TMEM192: variants seen among roughly 807,000 people sequenced by gnomAD.
TMEM192 encodes transmembrane protein 192.
TMEM192 carries 20 observed loss-of-function variants against 26.7 expected under a neutral mutation model. That is an observed-to-expected ratio of 0.75 (90% CI 0.53 to 1.09). The LOEUF is 1.09. Ranked by LOEUF, TMEM192 falls within the 50% of genes least tolerant of loss-of-function variation. TMEM192 has a pLI of 0.00. For missense variants in TMEM192, 304 were observed against 322.6 expected (o/e 0.94, Z 0.44); for synonymous variants, 124 against 121.0 (o/e 1.02, Z -0.16).
At chr4:165,087,114 CA>C (rs536798457) in intron 4 of TMEM192, among the ~76,000 whole-genome samples, 14 of 145,148 alleles carry the variant, frequency 9.6e-5, no homozygotes, top group Admixed American at 2.1e-4. Flanking sequence ...AACTCCAACT[CA>C]AAAAAAAAAT....
intron 4 of TMEM192, among the ~76,000 whole-genome samples, chr4:165,085,957 G>A (rs768544981): frequency 5.9e-5 from 9 of 152,138 alleles, no homozygotes; most frequent in Non-Finnish European, 1.2e-4. Context: ...ATAAACACCT[G>A]CATGAAGTGG....
At chr4:165,112,325 CT>C (rs2110809062) in intron 1 of TMEM192, among the ~76,000 whole-genome samples, 1 of 152,338 alleles carries the variant, frequency 6.6e-6, no homozygotes, top group South Asian at 2.1e-4. Flanking sequence ...GATTCGCCCC[CT>C]GTGCCCCTGG....
chr4:165,107,391 C>T (rs1735188307), intron 1 of TMEM192, among the ~76,000 whole-genome samples: 1 of 151,418 alleles, frequency 6.6e-6, no homozygotes, highest in African/African-American at 2.4e-5. Flanking sequence ...GGCTGGAGAA[C>T]AGTGGCACGA....
At chr4:165,092,409 A>C (rs780162037) in intron 3 of TMEM192, among the ~76,000 whole-genome samples, 1 of 152,146 alleles carries the variant, frequency 6.6e-6, no homozygotes, top group Non-Finnish European at 1.5e-5. Flanking sequence ...GGCGTAAGCC[A>C]CCGCACCCGG....
intron 3 of TMEM192, among the ~76,000 whole-genome samples, chr4:165,091,200 G>A (rs1345686747): frequency 3.3e-5 from 5 of 152,020 alleles, no homozygotes; most frequent in East Asian, 3.9e-4. Flanking sequence ...CCCGGGAGGC[G>A]GAGCTTGCAG....
intron 1 of TMEM192, among the ~76,000 whole-genome samples, chr4:165,104,091 C>A (rs879617373): frequency 4.6e-5 from 7 of 152,178 alleles, no homozygotes; most frequent in Non-Finnish European, 1.0e-4. Flanking sequence ...CCACTGCACT[C>A]CAGCCTGGGC....
At chr4:165,086,243 C>T (rs1734613541) in intron 4 of TMEM192, among the ~76,000 whole-genome samples, 1 of 151,988 alleles carries the variant, frequency 6.6e-6, no homozygotes, top group Non-Finnish European at 1.5e-5. Context: ...ATTAATCACA[C>T]AGACTAGGAG....
intron 5 of TMEM192, among the ~76,000 whole-genome samples, chr4:165,085,367 T>C (rs924129208): frequency 6.6e-6 from 1 of 151,684 alleles, no homozygotes; most frequent in Non-Finnish European, 1.5e-5. Flanking sequence ...AGAGGTTAAA[T>C]AGGTTGGCTA....
At chr4:165,085,188 G>A (rs1490818343) in intron 5 of TMEM192, among the ~76,000 whole-genome samples, 16 of 150,708 alleles carry the variant, frequency 1.1e-4, no homozygotes, top group Non-Finnish European at 1.5e-4. Context: ...CAGGAGAATC[G>A]CTTGAAACTG....
chr4:165,098,683 A>AG (rs1460404268), intron 3 of TMEM192, among the ~76,000 whole-genome samples: 1 of 150,870 alleles, frequency 6.6e-6, no homozygotes, highest in African/African-American at 2.4e-5. Flanking sequence ...AAGTAGGAAG[A>AG]CTACATATGG....
At chr4:165,094,831 G>A (rs190688347) in intron 3 of TMEM192, among the ~76,000 whole-genome samples, 50 of 151,862 alleles carry the variant, frequency 3.3e-4, no homozygotes, top group African/African-American at 1.2e-3. Context: ...AAAATTAGCT[G>A]GGCATGGTAG....
In TMEM192 at chr4:165,085,596, T is replaced by G; in HGVS notation, c.667A>C (p.Thr223Pro). ...TCACCTAAATCTTACCTGAATCCAGTCTCCGAGGTAATATTGCTGGGGTAA... is the reference window on the plus strand; with the variant it reads ...TCACCTAAATCTTACCTGAATCCAGGCTCCGAGGTAATATTGCTGGGGTAA... Reference protein sequence around the residue: ...YAYPSNITSETGFRTISSLEE... With the variant: ...YAYPSNITSEPGFRTISSLEE... Residue 223 changes from threonine (T) to proline (P), a missense_variant, in exon 5 of 6, where the codon ACT becomes CCT. By Grantham distance (38) the Thr-to-Pro change is conservative. Coordinates refer to ENST00000306480, the MANE Select transcript of TMEM192 (RefSeq NM_001100389.2). 1.2e-6 allele frequency: 2 copies of G among 1,607,784 alleles called. No homozygotes were observed. The highest frequency in any genetic ancestry group is 1.7e-6 in the Non-Finnish European group (2 of 1,177,216).
intron 1 of TMEM192, among the ~76,000 whole-genome samples, chr4:165,105,987 A>T (rs1560936121): frequency 6.6e-6 from 1 of 152,162 alleles, no homozygotes; most frequent in Non-Finnish European, 1.5e-5. Flanking sequence ...ATGCAGCAAG[A>T]AGGCGCCATC....
intron 3 of TMEM192, among the ~76,000 whole-genome samples, chr4:165,096,539 T>C (rs1734908169): frequency 6.6e-6 from 1 of 151,916 alleles, no homozygotes; most frequent in Admixed American, 6.6e-5. Context: ...TTTTTTCTTC[T>C]CTGGAAAATA....
rs1014355876 is a variant in TMEM192 at position 165,100,827 on chromosome 4, G to A, written c.240C>T (p.Asp80=). 6.2e-7 allele frequency: 1 copy of A among 1,613,894 alleles called. No individual in the cohort carries two copies. Among genetic ancestry groups the A allele is most frequent in the African/African-American group, 1.3e-5 (1 of 74,882 alleles). The change falls in exon 3 of 6, where the codon GAC becomes GAT. Residue 80 remains aspartate (D), a synonymous_variant. Transcript: ENST00000306480. ...VLCSYPNPNE[D]KCPGNYTNPL... is the part of the protein sequence containing the mutation. ...GGTTTGTGTAATTTCCTGGGCACTT[G>A]TCCTCATTTGGATTAGGATAAGAAC...
chr4:165,071,854 T>G lies in TMEM192; in HGVS notation c.*7804A>C, dbSNP rs75131980. 4,005 of 152,372 alleles carry G rather than the reference T, an allele frequency of 0.026. 167 individuals are homozygous for G. Among genetic ancestry groups the G allele is most frequent in the African/African-American group, 0.084 (3,473 of 41,492 alleles). 9.4% of individuals were successfully genotyped at this position (152,372 alleles called of 1,614,324 possible). A position where few individuals can be genotyped will look rare whatever the true frequency, so the allele number is the denominator to read the frequency against. ...ATGAAAAAGGGAACCATCAGAGTAG[T>G]GTTTTAGAAGGATATTGTTGGCTGC... On this transcript the variant is annotated 3_prime_UTR_variant, in exon 6 of 6. Coordinates refer to ENST00000306480, the MANE Select transcript of TMEM192 (RefSeq NM_001100389.2).
At chr4:165,098,494 G>C (rs530659923) in intron 3 of TMEM192, among the ~76,000 whole-genome samples, 2 of 150,766 alleles carry the variant, frequency 1.3e-5, no homozygotes, top group Non-Finnish European at 3.0e-5. Flanking sequence ...ATTTTTGGTA[G>C]AGATGGGGGA....
chr4:165,095,532 C>A (rs569574555), intron 3 of TMEM192, among the ~76,000 whole-genome samples: 6 of 152,272 alleles, frequency 3.9e-5, no homozygotes, highest in Admixed American at 1.3e-4. Flanking sequence ...AATCACTATG[C>A]CCTCGGGTCC....
intron 3 of TMEM192, among the ~76,000 whole-genome samples, chr4:165,095,037 A>C (rs528592412): frequency 6.6e-6 from 1 of 152,204 alleles, no homozygotes; most frequent in East Asian, 1.9e-4. Flanking sequence ...TGGAAGAAAT[A>C]AGTTCCTGTG....
Sources: gnomAD v4.1 joint callset for allele counts (sites outside exome capture counted in the v4.1 genomes callset) on GRCh38, gnomAD v4.1.1 for gene constraint, MANE v1.5 for transcripts, NCBI Gene and HGNC (gene_info 2026-07-23, HGNC 2026-07-21) for gene names.